The following TSPAN14 variants were observed in gnomAD, a reference collection of about 807,000 sequenced individuals.
TSPAN14 encodes tetraspanin 14.
Under a neutral mutation model 36.6 loss-of-function variants are expected in TSPAN14, and 16 were observed. The observed-to-expected ratio is 0.44, with a 90% CI of 0.30 to 0.66. The LOEUF is 0.66. Ranked by LOEUF, TSPAN14 falls within the 30% of genes least tolerant of loss-of-function variation. The pLI is 0.12. For missense variants in TSPAN14, 231 were observed against 355.1 expected (o/e 0.65, Z 2.81); for synonymous variants, 139 against 143.8 (o/e 0.97, Z 0.24).
chr10:80,480,738 C>T (rs1309516750), intron 1 of TSPAN14, among the ~76,000 whole-genome samples: 1 of 151,180 alleles, frequency 6.6e-6, no homozygotes. Flanking sequence ...AAGGAGAACA[C>T]ATGGACACAG....
Position 80,492,752 on chromosome 10 carries a change from C to T in TSPAN14, c.81+3438C>T, listed in dbSNP as rs1271553914. Among the ~76,000 whole-genome samples, 3 of 152,038 alleles carry T rather than the reference C, an allele frequency of 2.0e-5. No homozygotes were observed. In the South Asian group the frequency reaches 6.2e-4, roughly 32 times the overall value. On this transcript the variant is annotated intron_variant, in intron 2 of 8. Transcript: ENST00000429989. ...AATGGCGTGAACCCGGGAGGCGGAG[C>T]TTGCAGTGAGCCAAGATCGCGCCAC...
At chr10:80,477,993 A>G (rs967954581) in intron 1 of TSPAN14, among the ~76,000 whole-genome samples, 1 of 152,230 alleles carries the variant, frequency 6.6e-6, no homozygotes, top group Non-Finnish European at 1.5e-5. Context: ...TAGCCGCCCA[A>G]GGACTCAGAG....
chr10:80,490,239 C>T (rs570001157), intron 2 of TSPAN14, among the ~76,000 whole-genome samples: 1 of 152,258 alleles, frequency 6.6e-6, no homozygotes, highest in African/African-American at 2.4e-5. Context: ...ATCTCATAGC[C>T]AGCCTCAGGG....
chr10:80,501,967 G>C (rs1172659349), intron 2 of TSPAN14, among the ~76,000 whole-genome samples: 2 of 152,176 alleles, frequency 1.3e-5, no homozygotes, highest in Admixed American at 1.3e-4. Context: ...TAGCTGGGGA[G>C]ACACAATAGA....
intron 2 of TSPAN14, among the ~76,000 whole-genome samples, chr10:80,499,089 A>G (rs1409961211): frequency 6.6e-6 from 1 of 152,180 alleles, no homozygotes; most frequent in East Asian, 1.9e-4. Flanking sequence ...ACTTTTATAC[A>G]CGCTTAAATG....
At chr10:80,488,756 T>C (rs985864317) in intron 1 of TSPAN14, among the ~76,000 whole-genome samples, 3 of 152,208 alleles carry the variant, frequency 2.0e-5, no homozygotes, top group African/African-American at 7.2e-5. Context: ...CCGTTTCTTC[T>C]GTTGGCTCTG....
At chr10:80,488,101 T>G (rs1413648562) in intron 1 of TSPAN14, among the ~76,000 whole-genome samples, 2 of 152,168 alleles carry the variant, frequency 1.3e-5, no homozygotes, top group Non-Finnish European at 2.9e-5. Context: ...TCCTTTCGCC[T>G]TGGGCTGTGT....
chr10:80,517,840 C>T, intron 8 of TSPAN14, 65 bp from the exon 9 acceptor site: 1 of 1,499,514 alleles, frequency 6.7e-7, no homozygotes, highest in Non-Finnish European at 9.1e-7. Flanking sequence ...ACCCCACCCT[C>T]CGCTCCCTGC....
intron 1 of TSPAN14, among the ~76,000 whole-genome samples, chr10:80,467,441 T>C (rs1846304913): frequency 6.6e-6 from 1 of 152,204 alleles, no homozygotes; most frequent in African/African-American, 2.4e-5. Flanking sequence ...AATTCGGGCT[T>C]ACTGGGTGAC....
chr10:80,495,310 A>G (rs920166250), intron 2 of TSPAN14, among the ~76,000 whole-genome samples: 1 of 151,878 alleles, frequency 6.6e-6, no homozygotes, highest in African/African-American at 2.4e-5. Context: ...GCCCCAATTC[A>G]TAGGAAGTTG....
chr10:80,511,942 C>T (rs879363684), intron 5 of TSPAN14, among the ~76,000 whole-genome samples: 20 of 152,020 alleles, frequency 1.3e-4, no homozygotes, highest in Admixed American at 2.0e-4. Flanking sequence ...TGAGCTACTA[C>T]GCCTAGCTGT....
exon 9 of TSPAN14, chr10:80,518,074 C>G (rs1291157280): frequency 4.0e-6 from 5 of 1,235,082 alleles, no homozygotes; most frequent in African/African-American, 1.5e-5. Flanking sequence ...CCGACACCCC[C>G]AGAGCCAGTG....
chr10:80,512,128 GC>G lies in TSPAN14; in HGVS notation c.451-15del. On this transcript the variant is annotated splice_polypyrimidine_tract_variant and intron_variant, in intron 5 of 8. Transcript: ENST00000429989. The stretch of plus-strand genomic sequence containing the variant: ...TGTCTTGGAGCCCCTAACAGTTCTG[GC>G]TTTTGTGGTTGCAGAACCAGTGCTG... 6.2e-7 allele frequency: 1 copy of G among 1,614,090 alleles called. No homozygotes were observed.
At chr10:80,485,517 C>A (rs1847538166) in intron 1 of TSPAN14, 1 of 464,492 alleles carries the variant, frequency 2.2e-6, no homozygotes, top group Non-Finnish European at 2.8e-6. Context: ...CATCATTACC[C>A]CTCCACAGTC....
chr10:80,501,574 A>T (rs1028014435), intron 2 of TSPAN14, among the ~76,000 whole-genome samples: 1 of 152,166 alleles, frequency 6.6e-6, no homozygotes, highest in African/African-American at 2.4e-5. Context: ...CACCTGTCCC[A>T]TGTGGCCCCA....
At chr10:80,487,689 T>C (rs1847688572) in intron 1 of TSPAN14, among the ~76,000 whole-genome samples, 1 of 151,086 alleles carries the variant, frequency 6.6e-6, no homozygotes, top group Non-Finnish European at 1.5e-5. Context: ...GTGTTCACAC[T>C]CATTCTTGGA....
intron 3 of TSPAN14, among the ~76,000 whole-genome samples, chr10:80,505,823 T>C (rs1388138123): frequency 6.6e-6 from 1 of 152,186 alleles, no homozygotes; most frequent in Non-Finnish European, 1.5e-5. Flanking sequence ...TACAATTCCT[T>C]TGAATCTGTC....
intron 1 of TSPAN14, chr10:80,466,457 T>C (rs1846254830): frequency 6.6e-6 from 1 of 152,206 alleles, no homozygotes; most frequent in South Asian, 2.1e-4. Context: ...ACTCTTGCAA[T>C]GTTGCCTTGG....
chr10:80,485,334 G>A (rs1362836087), intron 1 of TSPAN14, among the ~76,000 whole-genome samples: 1 of 152,122 alleles, frequency 6.6e-6, no homozygotes, highest in African/African-American at 2.4e-5. Context: ...TGGTCATTTT[G>A]GGAATCATTT....
Sources: allele counts gnomAD v4.1 joint callset (sites outside exome capture counted in the v4.1 genomes callset), GRCh38; gene constraint gnomAD v4.1.1; transcripts MANE v1.5; gene names NCBI Gene and HGNC (gene_info 2026-07-23, HGNC 2026-07-21).